Variants in FBXL4 observed in about 807,000 individuals in gnomAD.
FBXL4 encodes the protein F-box/LRR-repeat protein 4.
In FBXL4, 40 loss-of-function variants were observed where a neutral mutation model predicts 58.9. The ratio of observed to expected loss-of-function variants is 0.68; its 90% CI spans 0.53 to 0.88. FBXL4 has a LOEUF of 0.88. Ranked by LOEUF, FBXL4 falls within the 40% of genes least tolerant of loss-of-function variation. FBXL4 has a pLI of 0.00. For synonymous variants in FBXL4, 263 were observed against 265.5 expected, an observed-to-expected ratio of 0.99 and a Z score of 0.09; for missense variants, 676 against 734.4, an observed-to-expected ratio of 0.92 and a Z score of 0.92.
chr6:98,873,519 T>C lies in FBXL4; in HGVS notation c.*759A>G, dbSNP rs1355949081. On this transcript the variant is annotated 3_prime_UTR_variant, in exon 10 of 10. Transcript: ENST00000369244. ...TTATTCTTGATTATACCCAAATTTT[T>C]ATATTGGCATTATCCAGTAGTGAAA... 1 of 152,042 alleles carries C rather than the reference T, an allele frequency of 6.6e-6. No individual in the cohort carries two copies. The highest frequency in any genetic ancestry group is 2.4e-5 in the African/African-American group (1 of 41,414). 9.4% of individuals were successfully genotyped at this position (152,042 alleles called of 1,614,324 possible). A position where few individuals can be genotyped will look rare whatever the true frequency, so the allele number is the denominator to read the frequency against.
At chr6:98,911,089 C>T (rs1772040660) in intron 5 of FBXL4, among the ~76,000 whole-genome samples, 1 of 152,174 alleles carries the variant, frequency 6.6e-6, no homozygotes, top group Non-Finnish European at 1.5e-5. Context: ...GGACAGCAGT[C>T]TGAGATCAAA....
At chr6:98,903,033 G>A (rs1288732713) in intron 6 of FBXL4, among the ~76,000 whole-genome samples, 2 of 151,946 alleles carry the variant, frequency 1.3e-5, no homozygotes, top group Non-Finnish European at 1.5e-5. Flanking sequence ...GTGAGATAAG[G>A]CTTTTAAGCA....
chr6:98,890,982 A>AGT (rs1397800342), intron 7 of FBXL4, among the ~76,000 whole-genome samples: 17 of 152,200 alleles, frequency 1.1e-4, no homozygotes, highest in Non-Finnish European at 2.2e-4. Context: ...AAGTACTTGA[A>AGT]ACTAAACATA....
chr6:98,917,951 C>T (rs1772433777), intron 4 of FBXL4, among the ~76,000 whole-genome samples: 1 of 152,152 alleles, frequency 6.6e-6, no homozygotes, highest in Non-Finnish European at 1.5e-5. Context: ...ACAGATTTCA[C>T]ATTGATCAGT....
intron 7 of FBXL4, chr6:98,896,706 TAAA>T (rs554247370): frequency 1.2e-6 from 1 of 807,316 alleles, no homozygotes; most frequent in Non-Finnish European, 1.5e-6. Flanking sequence ...GATGAGCCAA[TAAA>T]AAAAATTTAA....
At chr6:98,883,153 A>C (rs1770912387) in intron 7 of FBXL4, among the ~76,000 whole-genome samples, 1 of 152,032 alleles carries the variant, frequency 6.6e-6, no homozygotes, top group Non-Finnish European at 1.5e-5. Flanking sequence ...AGAATGGTAT[A>C]ATTTGCATTA....
At chr6:98,903,671 C>G (rs764147522) in intron 6 of FBXL4, among the ~76,000 whole-genome samples, 3 of 152,114 alleles carry the variant, frequency 2.0e-5, no homozygotes, top group Non-Finnish European at 4.4e-5. Context: ...TGTTTCTTCT[C>G]AAGCGCCAGA....
rs564470240 is a variant in FBXL4, at chr6:98,884,411, A to T, written c.1318-3787T>A. On this transcript the variant is annotated intron_variant, in intron 7 of 9. Transcript: ENST00000369244. ...TAATGTTTACCCTCAATCTTTTTTTAAAATAAATTTTATTGTGCATATTTG... is the reference window on the plus strand; with the variant it reads ...TAATGTTTACCCTCAATCTTTTTTTTAAATAAATTTTATTGTGCATATTTG... Among the ~76,000 whole-genome samples the T allele has an allele frequency of 2.4e-3, 367 of 152,218 alleles. 1 individual carries two copies. The highest frequency in any genetic ancestry group is 6.7e-3 in the African/African-American group (277 of 41,568).
At chr6:98,938,569 A>C (rs1195356792) in intron 1 of FBXL4, among the ~76,000 whole-genome samples, 1 of 152,220 alleles carries the variant, frequency 6.6e-6, no homozygotes, top group Non-Finnish European at 1.5e-5. Flanking sequence ...TACATAACGA[A>C]AAGACTGATA....
intron 7 of FBXL4, among the ~76,000 whole-genome samples, chr6:98,883,983 T>A (rs188154206): frequency 1.3e-5 from 2 of 151,980 alleles, no homozygotes; most frequent in African/African-American, 4.8e-5. Context: ...TCCATGGTCA[T>A]TAGTTAATTT....
intron 7 of FBXL4, among the ~76,000 whole-genome samples, chr6:98,888,685 G>C (rs1296867975): frequency 1.3e-5 from 2 of 152,116 alleles, no homozygotes; most frequent in Non-Finnish European, 2.9e-5. Context: ...ATAGTGCAAG[G>C]CAGCAGATTC....
chr6:98,905,765 T>C (rs993072849), intron 5 of FBXL4, 95 bp from the exon 6 acceptor site: 7 of 1,205,800 alleles, frequency 5.8e-6, no homozygotes, highest in Middle Eastern at 2.2e-4. Context: ...AAAAGTGTCA[T>C]ACATTTTATA....
At chr6:98,901,425 G>T (rs780891804) in intron 6 of FBXL4, among the ~76,000 whole-genome samples, 7 of 152,090 alleles carry the variant, frequency 4.6e-5, no homozygotes, top group African/African-American at 2.4e-5. Flanking sequence ...AGTTGACGTA[G>T]TGTGTGTCAC....
chr6:98,910,904 C>G (rs1321549168), intron 5 of FBXL4, among the ~76,000 whole-genome samples: 1 of 152,168 alleles, frequency 6.6e-6, no homozygotes, highest in Non-Finnish European at 1.5e-5. Flanking sequence ...CACAAGGGAT[C>G]AGGGAGTTCC....
intron 2 of FBXL4, among the ~76,000 whole-genome samples, chr6:98,929,341 G>T (rs1772913218): frequency 6.6e-6 from 1 of 152,098 alleles, no homozygotes; most frequent in Non-Finnish European, 1.5e-5. Context: ...GGAGGCTGAG[G>T]CAGGTGGATC....
At chr6:98,918,095 T>C (rs998103926) in intron 4 of FBXL4, among the ~76,000 whole-genome samples, 14 of 152,310 alleles carry the variant, frequency 9.2e-5, no homozygotes, top group African/African-American at 3.1e-4. Flanking sequence ...GAAACTAAAC[T>C]GATCATTTTG....
chr6:98,905,750 G>A, intron 5 of FBXL4, 80 bp from the exon 6 acceptor site: 1 of 1,359,800 alleles, frequency 7.4e-7, no homozygotes, highest in South Asian at 1.3e-5. Flanking sequence ...AATCTAATAA[G>A]GAATAAAAGT....
In FBXL4 at chr6:98,875,467, GTC is replaced by G. The variant is rs1554215986; in HGVS notation, c.1648_1649del (p.Asp550HisfsTer2). 2 of 1,614,006 alleles carry G rather than the reference GTC, an allele frequency of 1.2e-6. No homozygotes were observed. The highest frequency in any genetic ancestry group is 1.7e-6 in the Non-Finnish European group (2 of 1,179,898). Reference protein sequence around the residue: ...LTANRSVCDTDIDELACNCTR... With the variant: ...LTANRSVCDTXIDELACNCTR... The stretch of plus-strand genomic sequence containing the variant: ...TACAATTACATGCCAATTCATCAAT[GTC>G]TGTGTCACACACAGATCTATTAGCT... On this transcript the variant is annotated frameshift_variant, in exon 9 of 10. Coordinates refer to ENST00000369244, the MANE Select transcript of FBXL4 (RefSeq NM_001278716.2). LOFTEE classifies it high-confidence loss of function.
intron 5 of FBXL4, among the ~76,000 whole-genome samples, chr6:98,910,762 G>A (rs902357143): frequency 7.9e-5 from 12 of 152,218 alleles, no homozygotes; most frequent in Non-Finnish European, 1.6e-4. Flanking sequence ...CATTAGACGG[G>A]TGATTTCTGC....
Sources: gnomAD v4.1 joint callset for allele counts (sites outside exome capture counted in the v4.1 genomes callset) on GRCh38, gnomAD v4.1.1 for gene constraint, MANE v1.5 for transcripts, NCBI Gene and HGNC (gene_info 2026-07-23, HGNC 2026-07-21) for gene names.